OR51B5: variants seen among roughly 807,000 people sequenced by gnomAD.
The protein encoded by OR51B5 is olfactory receptor 51B5.
For synonymous variants in OR51B5, 186 were observed against 144.8 expected, an observed-to-expected ratio of 1.28 and a Z score of -2.04; for missense variants, 456 against 374.6, an observed-to-expected ratio of 1.22 and a Z score of -1.79.
intron 1 of OR51B5, among the ~76,000 whole-genome samples, chr11:5,371,772 A>G (rs1023051905): frequency 6.6e-6 from 1 of 152,142 alleles, no homozygotes; most frequent in Non-Finnish European, 1.5e-5. Context: ...GTGTAAGGGC[A>G]TCTAACATCT....
At chr11:5,453,733 T>C (rs775815831) in intron 1 of OR51B5, 5 of 1,614,176 alleles carry the variant, frequency 3.1e-6, no homozygotes, top group Non-Finnish European at 4.2e-6. Context: ...CCCACTGTAC[T>C]CCGAACCTTC....
At chr11:5,379,464 AAT>A (rs1173094635) in intron 1 of OR51B5, among the ~76,000 whole-genome samples, 39 of 136,124 alleles carry the variant, frequency 2.9e-4, no homozygotes, top group Non-Finnish European at 5.2e-4. Context: ...GTATAATAAT[AAT>A]AATAAATAAA....
At chr11:5,491,988 G>C (rs754957447) in intron 1 of OR51B5, among the ~76,000 whole-genome samples, 1 of 152,158 alleles carries the variant, frequency 6.6e-6, no homozygotes, top group Non-Finnish European at 1.5e-5. Context: ...ATAAATCAGT[G>C]CAACTGCCAA....
At chr11:5,403,427 G>A (rs755700785) in intron 1 of OR51B5, 17 of 471,378 alleles carry the variant, frequency 3.6e-5, no homozygotes, top group South Asian at 2.2e-4. Context: ...TGCAAGCCAT[G>A]ATGGCCAATG....
intron 1 of OR51B5, chr11:5,422,364 C>T (rs1477798800): frequency 1.4e-5 from 23 of 1,614,050 alleles, no homozygotes; most frequent in Non-Finnish European, 1.9e-5. Flanking sequence ...CGCACAGAGC[C>T]ATCTGTCCAC....
At chr11:5,494,132 C>T (rs1851616281) in intron 1 of OR51B5, among the ~76,000 whole-genome samples, 2 of 152,188 alleles carry the variant, frequency 1.3e-5, no homozygotes, top group Non-Finnish European at 2.9e-5. Flanking sequence ...TGAAAATTCC[C>T]ATTGGGTCAT....
At chr11:5,389,934 CCTA>C in intron 1 of OR51B5, 1 of 1,611,334 alleles carries the variant, frequency 6.2e-7, no homozygotes, top group Non-Finnish European at 8.5e-7. Flanking sequence ...AAGGCTTTTC[CCTA>C]CTGTGGATCT....
At chr11:5,402,675 C>T (rs1351711300) in intron 1 of OR51B5, 3 of 471,180 alleles carry the variant, frequency 6.4e-6, no homozygotes, top group South Asian at 3.1e-5. Flanking sequence ...GGAGTCAGAG[C>T]ACCTCTGGAT....
rs145323255 is a variant in OR51B5 at position 5,500,559 on chromosome 11, A to G, written n.84+5010T>C. On this transcript the variant is annotated intron_variant and non_coding_transcript_variant, in intron 1 of 4. Transcript: ENST00000415970. ...TATTTGCCTGATAACAAGAACTGTC[A>G]TAAGAGACTCTGCCAAAACCACACC... 1.9e-3 allele frequency among the ~76,000 whole-genome samples: 284 copies of G among 148,160 alleles called. 30 individuals are homozygous for G. The highest frequency in any genetic ancestry group is 3.9e-3 in the Admixed American group (56 of 14,294).
chr11:5,352,098 A>T (rs749764029), intron 1 of OR51B5: 2 of 1,613,884 alleles, frequency 1.2e-6, no homozygotes, highest in African/African-American at 2.7e-5. Context: ...GTCTCTATCC[A>T]GTTGTAGTTT....
intron 1 of OR51B5, among the ~76,000 whole-genome samples, chr11:5,466,862 C>T (rs937037562): frequency 3.3e-5 from 5 of 152,208 alleles, no homozygotes; most frequent in Admixed American, 2.6e-4. Context: ...TCTGTTCCAG[C>T]CCCAGAACGC....
rs1007678398 is a variant in OR51B5, at chr11:5,393,555, C to T, written n.85-46645G>A. Among the ~76,000 whole-genome samples the T allele has an allele frequency of 3.3e-5, 5 of 151,896 alleles. 1 individual carries two copies. Among genetic ancestry groups the T allele is most frequent in the Admixed American group, 6.5e-5 (1 of 15,272 alleles). ...TTTCGGTTTTATAATCTAAAAAGAG[C>T]ATTTTACAATGACTATAAAAAGTTA... is the stretch of plus-strand genomic sequence containing the variant. On this transcript the variant is annotated intron_variant and non_coding_transcript_variant, in intron 1 of 4. Transcript: ENST00000415970.
At chr11:5,429,773 G>T (rs1201253888) in intron 1 of OR51B5, among the ~76,000 whole-genome samples, 1 of 152,206 alleles carries the variant, frequency 6.6e-6, no homozygotes, top group Non-Finnish European at 1.5e-5. Context: ...AAAGGGTATA[G>T]CCAGGAACAG....
At chr11:5,462,123 G>A (rs1306785672) in intron 1 of OR51B5, among the ~76,000 whole-genome samples, 1 of 152,170 alleles carries the variant, frequency 6.6e-6, no homozygotes, top group Non-Finnish European at 1.5e-5. Flanking sequence ...GAATAATAAA[G>A]TAATGCTTTT....
chr11:5,373,764 G>C (rs1045614299), intron 1 of OR51B5, among the ~76,000 whole-genome samples: 6 of 152,202 alleles, frequency 3.9e-5, no homozygotes, highest in Non-Finnish European at 8.8e-5. Flanking sequence ...CAAGGTGGCA[G>C]CGAGGCTGGG....
At chr11:5,466,182 T>G (rs1851136626) in intron 1 of OR51B5, among the ~76,000 whole-genome samples, 1 of 152,210 alleles carries the variant, frequency 6.6e-6, no homozygotes, top group Non-Finnish European at 1.5e-5. Context: ...CAATACACTG[T>G]AAAATATTTA....
intron 1 of OR51B5, among the ~76,000 whole-genome samples, chr11:5,363,175 T>C (rs1485223961): frequency 6.6e-6 from 1 of 151,720 alleles, no homozygotes; most frequent in East Asian, 1.9e-4. Context: ...ATGATTAGTC[T>C]GGAGAAATCA....
At chr11:5,414,779 T>G (rs1478563367) in intron 1 of OR51B5, among the ~76,000 whole-genome samples, 6 of 152,120 alleles carry the variant, frequency 3.9e-5, no homozygotes, top group Admixed American at 3.9e-4. Context: ...ATAAACCAAG[T>G]CCTTAGTGAC....
chr11:5,409,118 C>A (rs1385559808), intron 1 of OR51B5, among the ~76,000 whole-genome samples: 3 of 152,098 alleles, frequency 2.0e-5, no homozygotes, highest in Non-Finnish European at 4.4e-5. Flanking sequence ...CTAGAAAAGT[C>A]ATATTTTAAA....
Sources: gnomAD v4.1 joint callset for allele counts (sites outside exome capture counted in the v4.1 genomes callset) on GRCh38, gnomAD v4.1.1 for gene constraint, MANE v1.5 for transcripts, NCBI Gene and HGNC (gene_info 2026-07-23, HGNC 2026-07-21) for gene names.